The following GPRIN3 variants were observed in gnomAD, a reference collection of about 807,000 sequenced individuals.
GPRIN3 encodes G protein-regulated inducer of neurite outgrowth 3.
In GPRIN3, 12 loss-of-function variants were observed where a neutral mutation model predicts 13.7. The observed-to-expected ratio is 0.87, with a 90% confidence interval of 0.56 to 1.42. GPRIN3 has a LOEUF of 1.42. GPRIN3 is among the 40% of genes most tolerant of loss of function. The pLI is 0.00. For synonymous variants in GPRIN3, 377 were observed against 372.7 expected, an observed-to-expected ratio of 1.01 and a Z score of -0.13; for missense variants, 1,009 against 958.7, an observed-to-expected ratio of 1.05 and a Z score of -0.69.
intron 1 of GPRIN3, among the ~76,000 whole-genome samples, chr4:89,277,408 T>C (rs1020373557): frequency 1.3e-5 from 2 of 152,198 alleles, no homozygotes; most frequent in African/African-American, 4.8e-5. Context: ...AAAGCAGGAC[T>C]GAATGTTTCC....
chr4:89,239,483 T>C lies in GPRIN3; in HGVS notation c.*8297A>G, dbSNP rs1193563906. 6.6e-6 allele frequency: 1 copy of C among 152,176 alleles called. No individual in the cohort carries two copies. Among genetic ancestry groups the C allele is most frequent in the Non-Finnish European group, 1.5e-5 (1 of 68,032 alleles). The allele number at this position is 152,176 out of a possible 1,614,324, so 9.4% of individuals were successfully genotyped here. On this transcript the variant is annotated 3_prime_UTR_variant, in exon 2 of 2. Coordinates refer to ENST00000609438, the MANE Select transcript of GPRIN3 (RefSeq NM_198281.3). ...AAAAACACTGCCACTCTAGTTGTAA[T>C]TGTAGTGTTCTTATAGCTGGTTAAT...
intron 1 of GPRIN3, among the ~76,000 whole-genome samples, chr4:89,255,242 C>G (rs1382890012): frequency 6.6e-6 from 1 of 152,114 alleles, no homozygotes; most frequent in Non-Finnish European, 1.5e-5. Context: ...AACTCAACCT[C>G]TCAGGGCCCC....
chr4:89,255,080 C>T (rs1723431677), intron 1 of GPRIN3, among the ~76,000 whole-genome samples: 1 of 152,284 alleles, frequency 6.6e-6, no homozygotes, highest in South Asian at 2.1e-4. Context: ...AGACCTTGCT[C>T]TAAGAGTACT....
chr4:89,252,013 C>A (rs1723343494), intron 1 of GPRIN3, among the ~76,000 whole-genome samples: 1 of 151,262 alleles, frequency 6.6e-6, no homozygotes, highest in African/African-American at 2.4e-5. Context: ...TGCTCTGTCA[C>A]CTAGGCTGGA....
chr4:89,257,697 TA>T (rs901069192), intron 1 of GPRIN3, among the ~76,000 whole-genome samples: 4 of 152,174 alleles, frequency 2.6e-5, no homozygotes, highest in Non-Finnish European at 4.4e-5. Flanking sequence ...AGACCTCTTT[TA>T]ATTTTTATTT....
At chr4:89,282,594 A>ATT (rs11306317) in intron 1 of GPRIN3, among the ~76,000 whole-genome samples, 31 of 135,612 alleles carry the variant, frequency 2.3e-4, no homozygotes, top group Admixed American at 6.7e-4. Context: ...TTTTTTTGCA[A>ATT]TTTTTTTTTT....
intron 1 of GPRIN3, among the ~76,000 whole-genome samples, chr4:89,287,947 G>T (rs1046237685): frequency 1.1e-4 from 17 of 152,288 alleles, no homozygotes; most frequent in African/African-American, 3.9e-4. Context: ...TTCAGTGTCA[G>T]GCCAGCAAAC....
At chr4:89,294,275 G>C (rs1724670694) in intron 1 of GPRIN3, among the ~76,000 whole-genome samples, 1 of 152,168 alleles carries the variant, frequency 6.6e-6, no homozygotes, top group Admixed American at 6.5e-5. Context: ...GGCTGGGCAT[G>C]GTGGCTCACA....
chr4:89,266,266 C>G (rs977048446), intron 1 of GPRIN3, among the ~76,000 whole-genome samples: 1 of 152,174 alleles, frequency 6.6e-6, no homozygotes, highest in Non-Finnish European at 1.5e-5. Context: ...CTGCCCCTAA[C>G]GGACAGACAA....
Position 89,248,514 on chromosome 4 carries a change from C to T in GPRIN3, c.1597G>A (p.Gly533Arg). ...HSGSLDPTNK[G>R]DAREKKPASP... is the part of the protein sequence containing the mutation. Reference sequence around the variant, plus strand: ...GCAGGCTTCTTTTCCCTTGCATCTCCTTTATTAGTGGGATCCAAGCTCCCA... The same window carrying T: ...GCAGGCTTCTTTTCCCTTGCATCTCTTTTATTAGTGGGATCCAAGCTCCCA... The change falls in exon 2 of 2, where the codon GGA becomes AGA. Residue 533 changes from glycine (G) to arginine (R), a missense_variant. Transcript: ENST00000609438. 6.2e-7 allele frequency: 1 copy of T among 1,613,274 alleles called. No individual in the cohort carries two copies. Among genetic ancestry groups the T allele is most frequent in the African/African-American group, 1.3e-5 (1 of 74,956 alleles).
At chr4:89,256,223 T>C (rs1246906216) in intron 1 of GPRIN3, among the ~76,000 whole-genome samples, 1 of 152,122 alleles carries the variant, frequency 6.6e-6, no homozygotes. Context: ...TTTATAGATA[T>C]CTATATATCT....
chr4:89,296,108 A>G (rs906197874), intron 1 of GPRIN3, among the ~76,000 whole-genome samples: 1 of 152,202 alleles, frequency 6.6e-6, no homozygotes, highest in Non-Finnish European at 1.5e-5. Flanking sequence ...GGAAATCTGC[A>G]GTCTGAAAAG....
chr4:89,277,047 G>A (rs932571262), intron 1 of GPRIN3, among the ~76,000 whole-genome samples: 1 of 151,724 alleles, frequency 6.6e-6, no homozygotes, highest in Non-Finnish European at 1.5e-5. Context: ...TGATACACGA[G>A]CTTCTCACAC....
intron 1 of GPRIN3, among the ~76,000 whole-genome samples, chr4:89,260,376 T>C (rs144041224): frequency 4.6e-5 from 7 of 152,274 alleles, no homozygotes; most frequent in African/African-American, 1.7e-4. Flanking sequence ...AATGAATAGC[T>C]TCTTTGCTGG....
At chr4:89,294,145 A>G (rs1724667574) in intron 1 of GPRIN3, among the ~76,000 whole-genome samples, 1 of 152,226 alleles carries the variant, frequency 6.6e-6, no homozygotes, top group African/African-American at 2.4e-5. Context: ...GAACTTCGGC[A>G]TAATAATGAG....
chr4:89,261,333 A>C (rs922165453), intron 1 of GPRIN3, among the ~76,000 whole-genome samples: 2 of 152,218 alleles, frequency 1.3e-5, no homozygotes, highest in Non-Finnish European at 2.9e-5. Flanking sequence ...GTCTCCAGAC[A>C]TTTCTGGGAG....
In GPRIN3 at chr4:89,248,577, A is replaced by G. The variant is rs1432847069; in HGVS notation, c.1534T>C (p.Ser512Pro). ...TTGCTGATAGAGCCACAAGAGTCAG[A>G]TAGTTTGCAATCTGGGTCTGTTTTG... ...GHKTDPDCKL[S>P]DSCGSISKAD... is the part of the protein sequence containing the mutation. The change falls in exon 2 of 2, where the codon TCT becomes CCT. Residue 512 changes from serine to proline, a missense_variant. By Grantham distance (74) the Ser-to-Pro change is moderately conservative. Transcript: ENST00000609438. 18 of 1,613,366 alleles carry G rather than the reference A, an allele frequency of 1.1e-5. No individual in the cohort carries two copies. The highest frequency in any genetic ancestry group is 1.4e-5 in the Non-Finnish European group (17 of 1,179,442).
intron 1 of GPRIN3, among the ~76,000 whole-genome samples, chr4:89,286,419 T>C (rs1213157878): frequency 1.3e-5 from 2 of 152,192 alleles, no homozygotes; most frequent in Non-Finnish European, 2.9e-5. Context: ...TATTTCCCTT[T>C]CAGCCAAGTT....
rs560808889 is a variant in GPRIN3, at chr4:89,298,848, G to A, written c.-124+8767C>T. Among the ~76,000 whole-genome samples, 3 of 151,910 alleles carry A rather than the reference G, an allele frequency of 2.0e-5. No homozygotes were observed. In the South Asian group the frequency reaches 6.2e-4, roughly 32 times the overall value. On this transcript the variant is annotated intron_variant, in intron 1 of 1. Transcript: ENST00000609438. Reference sequence around the variant, plus strand: ...TTTGATTCAATTTGCAAAGTAGAAGGAGCTGACATGCTCTCAATCCAGTCC... The same window carrying A: ...TTTGATTCAATTTGCAAAGTAGAAGAAGCTGACATGCTCTCAATCCAGTCC...
Sources: allele counts gnomAD v4.1 joint callset (sites outside exome capture counted in the v4.1 genomes callset), GRCh38; gene constraint gnomAD v4.1.1; transcripts MANE v1.5; gene names NCBI Gene and HGNC (gene_info 2026-07-23, HGNC 2026-07-21).